GPBP1L1: variants seen among roughly 807,000 people sequenced by gnomAD.
GPBP1L1 encodes the protein vasculin-like protein 1.
In GPBP1L1, 23 loss-of-function variants were observed where a neutral mutation model predicts 52.5. The ratio of observed to expected loss-of-function variants is 0.44; its 90% CI spans 0.32 to 0.62. The LOEUF (loss-of-function observed/expected upper bound fraction) is 0.62. Among genes scored for constraint, GPBP1L1 ranks in the 20% least tolerant of loss-of-function variants. The pLI, the probability that GPBP1L1 is intolerant of heterozygous loss-of-function variation, is 0.06. For synonymous variants in GPBP1L1, 243 were observed against 203.1 expected, an observed-to-expected ratio of 1.20 and a Z score of -1.67; for missense variants, 596 against 579.3, an observed-to-expected ratio of 1.03 and a Z score of -0.30.
At chr1:45,657,290 T>C (rs1192435349) in intron 4 of GPBP1L1, among the ~76,000 whole-genome samples, 3 of 152,124 alleles carry the variant, frequency 2.0e-5, no homozygotes, top group Admixed American at 6.5e-5. Context: ...TCCCAGCACT[T>C]TGGGAGACTG....
intron 3 of GPBP1L1, 42 bp downstream of exon 3, chr1:45,660,142 A>G (rs1644931662): frequency 1.0e-6 from 1 of 969,490 alleles, no homozygotes; most frequent in Non-Finnish European, 1.2e-6. Flanking sequence ...ATGCATATAC[A>G]TAGAGTCTTC....
intron 6 of GPBP1L1, among the ~76,000 whole-genome samples, chr1:45,646,554 T>G (rs1644748908): frequency 6.6e-6 from 1 of 152,174 alleles, no homozygotes; most frequent in African/African-American, 2.4e-5. Context: ...AATTATACTT[T>G]TCAGTATTTT....
At chr1:45,670,787 C>CTT (rs1157864588) in intron 2 of GPBP1L1, among the ~76,000 whole-genome samples, 672 of 111,190 alleles carry the variant, frequency 6.0e-3, no homozygotes, top group Non-Finnish European at 7.6e-3. Context: ...TACCATATGT[C>CTT]TTTTTTTTTT....
At chr1:45,673,422 T>C (rs999224832) in intron 2 of GPBP1L1, among the ~76,000 whole-genome samples, 9 of 152,212 alleles carry the variant, frequency 5.9e-5, no homozygotes, top group Admixed American at 1.3e-4. Flanking sequence ...ACCATGACTT[T>C]TGACTCCCTG....
intron 7 of GPBP1L1, chr1:45,641,813 T>G (rs1222383833): frequency 2.0e-5 from 1 of 50,292 alleles, no homozygotes; most frequent in Non-Finnish European, 4.2e-5. Flanking sequence ...AGACTCCATC[T>G]CAAAAAAAAA....
intron 9 of GPBP1L1, 103 bp from the exon 10 acceptor site, chr1:45,633,750 A>C: frequency 8.3e-7 from 1 of 1,202,508 alleles, no homozygotes; most frequent in Non-Finnish European, 1.2e-6. Context: ...CCTATTTATC[A>C]CTCTGTCTTA....
chr1:45,634,262 G>T, intron 8 of GPBP1L1, 26 bp from the exon 9 acceptor site: 1 of 1,584,332 alleles, frequency 6.3e-7, no homozygotes. Context: ...GAACAAATCA[G>T]TCAGAACAAG....
At position 45,634,076 on chromosome 1, in the gene GPBP1L1, C is replaced by T. The variant is rs1408069610; in HGVS notation, c.885+20G>A. The T allele has an allele frequency of 1.9e-6, 3 of 1,590,728 alleles. No homozygotes were observed. The highest frequency in any genetic ancestry group is 1.3e-5 in the African/African-American group (1 of 74,300). Reference sequence around the variant, plus strand: ...AAATGGCAATTTCAGAAAAGACTGTCCTGCTTCATCCTCACTCACCTCTTT... The same window carrying T: ...AAATGGCAATTTCAGAAAAGACTGTTCTGCTTCATCCTCACTCACCTCTTT... On this transcript the variant is annotated intron_variant, in intron 9 of 12. Transcript: ENST00000355105.
intron 2 of GPBP1L1, among the ~76,000 whole-genome samples, chr1:45,664,488 C>A (rs1160783468): frequency 6.6e-6 from 1 of 151,972 alleles, no homozygotes; most frequent in Non-Finnish European, 1.5e-5. Flanking sequence ...ATGGCGTGAA[C>A]CCGGGAGGTG....
chr1:45,633,147 T>C (rs1006287458), intron 10 of GPBP1L1, among the ~76,000 whole-genome samples: 4 of 152,308 alleles, frequency 2.6e-5, no homozygotes, highest in East Asian at 3.9e-4. Context: ...GATCCAGCAA[T>C]TGCGCTCCTT....
At chr1:45,639,817 G>A (rs1236328836) in intron 8 of GPBP1L1, among the ~76,000 whole-genome samples, 1 of 152,098 alleles carries the variant, frequency 6.6e-6, no homozygotes, top group East Asian at 1.9e-4. Context: ...GGTGGAGCTT[G>A]CAGTGAGCTG....
At chr1:45,640,857 A>C (rs1157877853) in intron 7 of GPBP1L1, among the ~76,000 whole-genome samples, 2 of 152,150 alleles carry the variant, frequency 1.3e-5, no homozygotes, top group African/African-American at 4.8e-5. Context: ...ATCTTTACAA[A>C]AAATACAAAC....
chr1:45,642,591 A>C, intron 6 of GPBP1L1, 92 bp from the exon 7 acceptor site: 1 of 871,498 alleles, frequency 1.1e-6, no homozygotes. Flanking sequence ...CCTATCAAAT[A>C]ATTACATATT....
rs578020524 is a variant in GPBP1L1, at chr1:45,673,870, C to CA, written c.-1098+11705dup. 4.5e-3 allele frequency among the ~76,000 whole-genome samples: 683 copies of CA among 151,850 alleles called. 4 individuals are homozygous for CA. The highest frequency in any genetic ancestry group is 0.016 in the African/African-American group (644 of 41,410). ...CAAGACTCCGTCTCAAACAAACAAACAAAAAAAATTGTTTTCTACAACAAA... is the reference window on the plus strand; with the variant it reads ...CAAGACTCCGTCTCAAACAAACAAACAAAAAAAAATTGTTTTCTACAACAAA... On this transcript the variant is annotated intron_variant, in intron 2 of 12. Transcript: ENST00000355105.
At chr1:45,632,281 T>C (rs1644540332) in intron 10 of GPBP1L1, among the ~76,000 whole-genome samples, 1 of 152,174 alleles carries the variant, frequency 6.6e-6, no homozygotes, top group Non-Finnish European at 1.5e-5. Context: ...CACATGCCTG[T>C]AATCCCAGCT....
At chr1:45,675,605 G>A (rs1033105808) in intron 2 of GPBP1L1, among the ~76,000 whole-genome samples, 2 of 152,134 alleles carry the variant, frequency 1.3e-5, no homozygotes, top group East Asian at 1.9e-4. Flanking sequence ...GCAGTGGCAC[G>A]ATTACGGCTC....
chr1:45,628,144 T>G lies in GPBP1L1; in HGVS notation c.*112A>C. 2.0e-6 allele frequency: 2 copies of G among 1,024,606 alleles called. No individual in the cohort carries two copies. Among genetic ancestry groups the G allele is most frequent in the South Asian group, 3.0e-5 (2 of 66,400 alleles). 63.5% of individuals were successfully genotyped at this position (1,024,606 alleles called of 1,614,324 possible). ...TCTCTTTGGGATATGATTATTTCCCTTGTGAATGAAGTATTCAACAACATA... is the reference window on the plus strand; with the variant it reads ...TCTCTTTGGGATATGATTATTTCCCGTGTGAATGAAGTATTCAACAACATA... On this transcript the variant is annotated 3_prime_UTR_variant, in exon 13 of 13. Transcript: ENST00000355105.
chr1:45,674,883 ATGTAAGTCAAGGAG>A (rs1433795119), intron 2 of GPBP1L1, among the ~76,000 whole-genome samples: 4 of 152,244 alleles, frequency 2.6e-5, no homozygotes, highest in African/African-American at 9.6e-5. Context: ...GTTTATCCAG[ATGTAAGTCAAGGAG>A]TAGCTGTACT....
intron 2 of GPBP1L1, among the ~76,000 whole-genome samples, chr1:45,665,743 TAAAAAAA>T (rs949281797): frequency 9.1e-5 from 10 of 109,708 alleles, no homozygotes; most frequent in African/African-American, 2.5e-4. Flanking sequence ...GACGCCGTCT[TAAAAAAA>T]AAAAAAAAAA....
Sources: gnomAD v4.1 joint callset for allele counts (sites outside exome capture counted in the v4.1 genomes callset) on GRCh38, gnomAD v4.1.1 for gene constraint, MANE v1.5 for transcripts, NCBI Gene and HGNC (gene_info 2026-07-23, HGNC 2026-07-21) for gene names.